Variants in TRIM29 observed in about 807,000 individuals in gnomAD.
TRIM29 encodes the protein tripartite motif-containing protein 29.
TRIM29 carries 52 observed loss-of-function variants against 57.3 expected under a neutral mutation model. The observed-to-expected ratio is 0.91, with a 90% CI of 0.73 to 1.14. The LOEUF (loss-of-function observed/expected upper bound fraction) is 1.14, where lower values mean the gene tolerates loss of function less well. Among genes scored for constraint, TRIM29 ranks in the 50% most tolerant of loss-of-function variants. TRIM29 has a pLI of 0.00. For missense variants in TRIM29, 753 were observed against 774.6 expected (o/e 0.97, Z 0.33); for synonymous variants, 319 against 316.9 (o/e 1.01, Z -0.07).
chr11:120,126,622 ACT>A (rs1229311095), intron 3 of TRIM29, among the ~76,000 whole-genome samples: 3 of 151,756 alleles, frequency 2.0e-5, no homozygotes, highest in African/African-American at 7.3e-5. Context: ...CTCACCGAAG[ACT>A]CTGTCCTCCC....
chr11:120,129,688 C>T (rs1037534614), intron 1 of TRIM29, among the ~76,000 whole-genome samples: 1 of 151,714 alleles, frequency 6.6e-6, no homozygotes, highest in African/African-American at 2.4e-5. Flanking sequence ...CTCCTGCAGG[C>T]ACCCGGGGAA....
intron 1 of TRIM29, among the ~76,000 whole-genome samples, chr11:120,129,918 A>T (rs1159636249): frequency 6.6e-6 from 1 of 152,142 alleles, no homozygotes; most frequent in Admixed American, 6.5e-5. Context: ...ATGCCATAGC[A>T]TGGAAAATAC....
intron 1 of TRIM29, among the ~76,000 whole-genome samples, chr11:120,129,520 C>A (rs1055635710): frequency 6.6e-6 from 1 of 152,198 alleles, no homozygotes; most frequent in African/African-American, 2.4e-5. Context: ...CTGGCCATCA[C>A]CTTGCGGAGC....
intron 8 of TRIM29, chr11:120,113,590 T>C (rs186986175): frequency 2.2e-6 from 1 of 455,992 alleles, no homozygotes; most frequent in Non-Finnish European, 4.4e-6. Context: ...CACCTCCTGG[T>C]CAGCTCCTTG....
chr11:120,113,540 A>G (rs1009927364), intron 8 of TRIM29: 1 of 448,188 alleles, frequency 2.2e-6, no homozygotes, highest in Non-Finnish European at 4.5e-6. Flanking sequence ...CACACACCTC[A>G]AGGGTACACT....
chr11:120,135,527 T>C (rs1024383728), intron 1 of TRIM29, among the ~76,000 whole-genome samples: 5 of 152,176 alleles, frequency 3.3e-5, no homozygotes, highest in Admixed American at 3.3e-4. Flanking sequence ...TGAGGATGAT[T>C]GCCTCTTGTT....
At chr11:120,114,454 C>T (rs182997333) in intron 8 of TRIM29, among the ~76,000 whole-genome samples, 1 of 152,226 alleles carries the variant, frequency 6.6e-6, no homozygotes, top group Admixed American at 6.5e-5. Flanking sequence ...CAAATCACCT[C>T]TCCTGCTCTG....
rs1458945065 is a variant in TRIM29 at position 120,123,013 on chromosome 11, C to G, written c.1376G>C (p.Gly459Ala). 1 of 1,614,098 alleles carries G rather than the reference C, an allele frequency of 6.2e-7. No homozygotes were observed. The highest frequency in any genetic ancestry group is 1.1e-5 in the South Asian group (1 of 91,074). The change falls in exon 5 of 9, where the codon GGG (glycine) becomes GCG (alanine). Residue 459 changes from glycine to alanine, a missense_variant. Transcript: ENST00000341846. ...GGTGTCCGGTGCACTCCACTCACCC[C>G]CGAAGCTGTTCGTGTAGTTGTTCAC... is the stretch of plus-strand genomic sequence containing the variant. ...RYVNNYTNSF[G>A]GEWSAPDTMK...
rs778327116 is a variant in TRIM29 at position 120,138,064 on chromosome 11, G to A, written c.-33C>T. 3 of 1,554,954 alleles carry A rather than the reference G, an allele frequency of 1.9e-6. No individual in the cohort carries two copies. The highest frequency in any genetic ancestry group is 2.6e-6 in the Non-Finnish European group (3 of 1,157,690). On this transcript the variant is annotated 5_prime_UTR_variant, in exon 1 of 9. Coordinates refer to ENST00000341846, the MANE Select transcript of TRIM29 (RefSeq NM_012101.4). ...TGCTTGGCTGAGCTGTTTCAGGCTT[G>A]CTGGGGTTCAGGATAGGTGACCTTT...
intron 1 of TRIM29, among the ~76,000 whole-genome samples, chr11:120,133,726 G>A (rs1258851790): frequency 6.6e-6 from 1 of 152,242 alleles, no homozygotes; most frequent in Admixed American, 6.5e-5. Context: ...GGCTGCCCAT[G>A]CCCAGCAGCC....
At chr11:120,113,422 GC>G in intron 8 of TRIM29, 1 of 312,656 alleles carries the variant, frequency 3.2e-6, no homozygotes, top group Non-Finnish European at 6.4e-6. Context: ...AGCACCATCA[GC>G]CCCCGGGGGT....
At position 120,115,353 on chromosome 11, in the gene TRIM29, G is replaced by A. The variant is rs1863239844; in HGVS notation, c.1689C>T (p.Gly563=). 1.9e-6 allele frequency: 3 copies of A among 1,613,542 alleles called. No individual in the cohort carries two copies. Among genetic ancestry groups the A allele is most frequent in the Non-Finnish European group, 2.5e-6 (3 of 1,179,892 alleles). Residue 563 remains glycine (G), a synonymous_variant, in exon 8 of 9, where the codon GGC becomes GGT. Transcript: ENST00000341846. ...PKAQPQTWKS[G]KQTMLSHYRP... is the part of the protein sequence containing the mutation. Reference sequence around the variant, plus strand: ...CTTCCCTTACCAGCATAGTCTGCTTGCCAGATTTCCAAGTCTGGGGCTGGG... The same window carrying A: ...CTTCCCTTACCAGCATAGTCTGCTTACCAGATTTCCAAGTCTGGGGCTGGG...
chr11:120,125,951 C>A, intron 3 of TRIM29, 62 bp from the exon 4 acceptor site: 1 of 1,536,066 alleles, frequency 6.5e-7, no homozygotes, highest in South Asian at 1.2e-5. Flanking sequence ...GGACGCTTCT[C>A]TGCCAGGGGC....
Position 120,127,380 on chromosome 11 carries a change from G to A in TRIM29, c.1090C>T (p.Arg364Trp), listed in dbSNP as rs570461440. 2.8e-5 allele frequency: 45 copies of A among 1,612,040 alleles called. No individual in the cohort carries two copies. The highest frequency in any genetic ancestry group is 6.7e-5 in the East Asian group (3 of 44,640). The stretch of plus-strand genomic sequence containing the variant: ...TCGCTGATGCTATGCAGCTGCTCCC[G>A]GGTCTGCTTGTCCTCATGCAGCACC... ...AKVLHEDKQTREQLHSISDSV... is the reference protein window; with the variant it reads ...AKVLHEDKQTWEQLHSISDSV... Residue 364 changes from arginine (R) to tryptophan (W), a missense_variant, in exon 3 of 9, where the codon CGG (arginine) becomes TGG (tryptophan). Arg to Trp is a moderately radical substitution (Grantham distance 101). Coordinates refer to ENST00000341846, the MANE Select transcript of TRIM29 (RefSeq NM_012101.4).
chr11:120,120,724 C>A, intron 5 of TRIM29, 59 bp from the exon 6 acceptor site: 2 of 1,549,664 alleles, frequency 1.3e-6, no homozygotes, highest in African/African-American at 1.4e-5. Context: ...GGACTCCTTG[C>A]CCCCAAAAAG....
chr11:120,122,843 A>G (rs1863492701), intron 5 of TRIM29, 111 bp downstream of exon 5: 4 of 797,594 alleles, frequency 5.0e-6, no homozygotes, highest in Admixed American at 2.2e-5. Context: ...CAAACTGGAC[A>G]TGCCATCACC....
intron 8 of TRIM29, chr11:120,113,407 A>C (rs978596370): frequency 2.3e-5 from 7 of 298,832 alleles, no homozygotes; most frequent in African/African-American, 1.5e-4. Context: ...CTGCTCACCC[A>C]CGCAAGCACC....
rs1863500167 is a variant in TRIM29, at chr11:120,123,047, G to C, written c.1342C>G (p.His448Asp). 6.2e-7 allele frequency: 1 copy of C among 1,613,948 alleles called. No homozygotes were observed. The highest frequency in any genetic ancestry group is 1.3e-5 in the African/African-American group (1 of 74,890). ...TTCGTGTAGTTGTTCACATAGCGAT[G>C]GTCACCACCTAGGAAGCAGAGGGTC... ...ERNHMENGGD[H>D]RYVNNYTNSF... Residue 448 changes from histidine (H) to aspartate (D), a missense_variant, in exon 5 of 9, where the codon CAT becomes GAT. Transcript: ENST00000341846.
At chr11:120,130,596 C>G (rs1445786649) in intron 1 of TRIM29, among the ~76,000 whole-genome samples, 1 of 152,190 alleles carries the variant, frequency 6.6e-6, no homozygotes, top group Non-Finnish European at 1.5e-5. Context: ...CTGTCTGGTC[C>G]ATGGGAGCAG....
Sources: gnomAD v4.1 joint callset for allele counts (sites outside exome capture counted in the v4.1 genomes callset) on GRCh38, gnomAD v4.1.1 for gene constraint, MANE v1.5 for transcripts, NCBI Gene and HGNC (gene_info 2026-07-23, HGNC 2026-07-21) for gene names.